Variants in MRTFA observed in about 807,000 individuals in gnomAD.
The protein encoded by MRTFA is myocardin related transcription factor A.
MRTFA carries 20 observed loss-of-function variants against 83.5 expected under a neutral mutation model. The ratio of observed to expected loss-of-function variants is 0.24; its 90% confidence interval spans 0.17 to 0.35. The LOEUF is 0.35. MRTFA is among the 10% of genes least tolerant of loss of function. The pLI is 1.00. For missense variants in MRTFA, 1,200 were observed against 1,224.7 expected (o/e 0.98, Z 0.30); for synonymous variants, 659 against 541.2 (o/e 1.22, Z -3.02).
At chr22:40,536,194 T>C (rs1050156636) in intron 3 of MRTFA, among the ~76,000 whole-genome samples, 2 of 151,100 alleles carry the variant, frequency 1.3e-5, no homozygotes, top group African/African-American at 4.9e-5. Flanking sequence ...TCCCAGCTAC[T>C]TGGGAGGTTG....
intron 1 of MRTFA, among the ~76,000 whole-genome samples, chr22:40,625,885 G>A (rs1310583490): frequency 6.6e-6 from 1 of 152,196 alleles, no homozygotes; most frequent in African/African-American, 2.4e-5. Flanking sequence ...TGAACCTGGA[G>A]TGCAAATTTA....
chr22:40,421,218 C>A (rs2147074880), intron 9 of MRTFA, 118 bp from the exon 10 acceptor site: 1 of 1,174,676 alleles, frequency 8.5e-7, no homozygotes, highest in East Asian at 2.6e-5. Flanking sequence ...CCACACTTTG[C>A]CCATTTCCAC....
chr22:40,459,051 G>A (rs1397554136), intron 4 of MRTFA, among the ~76,000 whole-genome samples: 10 of 150,944 alleles, frequency 6.6e-5, no homozygotes, highest in Non-Finnish European at 1.2e-4. Context: ...CTCCAGCCTC[G>A]GCGACAGAGT....
chr22:40,592,177 C>T (rs189300603), intron 2 of MRTFA, among the ~76,000 whole-genome samples: 3 of 150,850 alleles, frequency 2.0e-5, no homozygotes, highest in Non-Finnish European at 3.0e-5. Context: ...CCTGTAAATC[C>T]CAACACTTTG....
intron 4 of MRTFA, among the ~76,000 whole-genome samples, chr22:40,446,402 G>A (rs1310842730): frequency 1.3e-5 from 2 of 152,170 alleles, no homozygotes; most frequent in African/African-American, 2.4e-5. Flanking sequence ...TAACACTCCT[G>A]GACAGGTGAT....
At position 40,423,589 on chromosome 22, in the gene MRTFA, G is replaced by C; in HGVS notation, c.874C>G (p.Leu292Val). 1 of 1,596,068 alleles carries C rather than the reference G, an allele frequency of 6.3e-7. No individual in the cohort carries two copies. Among genetic ancestry groups the C allele is most frequent in the Non-Finnish European group, 8.5e-7 (1 of 1,170,284 alleles). The change falls in exon 9 of 15, where the codon CTC becomes GTC. Residue 292 changes from leucine to valine, a missense_variant. Around this residue, in one of 2 missense-constraint regions of MRTFA, gnomAD observed 1,107 missense variants for 1,041.8 expected, o/e 1.06. Transcript: ENST00000355630. Reference sequence around the variant, plus strand: ...GTGGGGATAGTGGTTCCATTGGTGAGGCTGGGAGGCAGCAGAGGTGGGGGA... The same window carrying C: ...GTGGGGATAGTGGTTCCATTGGTGACGCTGGGAGGCAGCAGAGGTGGGGGA...
intron 1 of MRTFA, among the ~76,000 whole-genome samples, chr22:40,621,198 A>G (rs1255005622): frequency 1.3e-5 from 2 of 150,796 alleles, no homozygotes; most frequent in East Asian, 1.9e-4. Context: ...AAAAAAAAAA[A>G]GAAGAAGAAG....
At chr22:40,566,289 C>T (rs1254090057) in intron 2 of MRTFA, among the ~76,000 whole-genome samples, 3 of 150,926 alleles carry the variant, frequency 2.0e-5, no homozygotes, top group South Asian at 2.1e-4. Context: ...GGCGTGATCT[C>T]GGCTTACTGC....
intron 4 of MRTFA, among the ~76,000 whole-genome samples, chr22:40,447,543 C>G (rs2053404468): frequency 6.6e-6 from 1 of 151,772 alleles, no homozygotes; most frequent in Non-Finnish European, 1.5e-5. Flanking sequence ...GGTGGAAACA[C>G]AGGGAGACAA....
chr22:40,588,318 C>T (rs145874315), intron 2 of MRTFA, among the ~76,000 whole-genome samples: 5,988 of 152,164 alleles, frequency 0.039, 192 homozygotes, highest in Non-Finnish European at 0.061. Context: ...TGAGCCACCG[C>T]GCCCAGCCTC....
intron 2 of MRTFA, among the ~76,000 whole-genome samples, chr22:40,576,550 T>A (rs1198231577): frequency 2.0e-5 from 3 of 152,180 alleles, no homozygotes; most frequent in Non-Finnish European, 4.4e-5. Context: ...AATCGTGGCA[T>A]AAGTCTGGAA....
rs777129385 is a variant in MRTFA, at chr22:40,424,399, T to G, written c.602-18A>C. 1 of 1,611,094 alleles carries G rather than the reference T, an allele frequency of 6.2e-7. No homozygotes were observed. Among genetic ancestry groups the G allele is most frequent in the Non-Finnish European group, 8.5e-7 (1 of 1,178,720 alleles). The stretch of plus-strand genomic sequence containing the variant: ...CTGGCCCACTGAAACCCAAAGCTGG[T>G]GTGAGATTCCACTTCCAGCCCAGGG... On this transcript the variant is annotated intron_variant, in intron 7 of 14. Coordinates refer to ENST00000355630, the MANE Select transcript of MRTFA (RefSeq NM_020831.6).
At chr22:40,450,114 C>A (rs2053459088) in intron 4 of MRTFA, among the ~76,000 whole-genome samples, 1 of 152,160 alleles carries the variant, frequency 6.6e-6, no homozygotes, top group Non-Finnish European at 1.5e-5. Flanking sequence ...ATTCCATATC[C>A]GGGTAGATCA....
At chr22:40,465,701 T>C (rs763187594) in intron 3 of MRTFA, among the ~76,000 whole-genome samples, 1 of 152,008 alleles carries the variant, frequency 6.6e-6, no homozygotes, top group South Asian at 2.1e-4. Context: ...GCTGGAACTA[T>C]AGGTGCATGA....
intron 1 of MRTFA, among the ~76,000 whole-genome samples, chr22:40,601,868 A>AG (rs1331383058): frequency 6.6e-6 from 1 of 152,158 alleles, no homozygotes; most frequent in Admixed American, 6.5e-5. Flanking sequence ...TCACAATCAG[A>AG]GGTAGGGGGT....
At chr22:40,602,198 T>C (rs1292612310) in intron 1 of MRTFA, among the ~76,000 whole-genome samples, 1 of 152,082 alleles carries the variant, frequency 6.6e-6, no homozygotes, top group Non-Finnish European at 1.5e-5. Context: ...AATCACACCA[T>C]CTCAGCATTG....
At chr22:40,449,750 G>A (rs2053452756) in intron 4 of MRTFA, among the ~76,000 whole-genome samples, 2 of 152,196 alleles carry the variant, frequency 1.3e-5, no homozygotes, top group African/African-American at 4.8e-5. Context: ...TTGGCTGTGT[G>A]GGTAAAGAGT....
At chr22:40,450,419 A>T (rs1056005064) in intron 4 of MRTFA, among the ~76,000 whole-genome samples, 7 of 151,844 alleles carry the variant, frequency 4.6e-5, no homozygotes, top group Non-Finnish European at 1.0e-4. Context: ...TCCTGCTTTG[A>T]TGCTGTTTTC....
intron 4 of MRTFA, among the ~76,000 whole-genome samples, chr22:40,437,499 C>G (rs147674256): frequency 6.6e-6 from 1 of 152,152 alleles, no homozygotes; most frequent in East Asian, 1.9e-4. Context: ...TGGTGGCTCA[C>G]GCCTGCAATC....
Sources: allele counts gnomAD v4.1 joint callset (sites outside exome capture counted in the v4.1 genomes callset), GRCh38; gene constraint gnomAD v4.1.1; regional missense constraint gnomAD v4.1.1; transcripts MANE v1.5; gene names NCBI Gene and HGNC (gene_info 2026-07-23, HGNC 2026-07-21).